Variants in ZMAT4 observed in about 807,000 individuals in gnomAD.
ZMAT4 encodes the protein zinc finger matrin-type 4, also known as zinc finger matrin-type protein 4.
ZMAT4 carries 17 observed loss-of-function variants against 28.7 expected under a neutral mutation model. The ratio of observed to expected loss-of-function variants is 0.59; its 90% CI spans 0.41 to 0.89. The LOEUF is 0.89. Among genes scored for constraint, ZMAT4 ranks in the 40% least tolerant of loss-of-function variants. The pLI, the probability that ZMAT4 is intolerant of heterozygous loss-of-function variation, is 0.00. For missense variants in ZMAT4, 240 were observed against 283.8 expected, an observed-to-expected ratio of 0.85 and a Z score of 1.11; for synonymous variants, 117 against 109.2, an observed-to-expected ratio of 1.07 and a Z score of -0.44.
intron 2 of ZMAT4, among the ~76,000 whole-genome samples, chr8:40,820,605 CAT>C (rs572716735): frequency 0.074 from 2,581 of 35,000 alleles, 45 homozygotes; most frequent in Non-Finnish European, 0.12. Flanking sequence ...TGTGGGAGTG[CAT>C]GTGTGTGTAT....
chr8:40,715,548 C>T (rs1032895024), intron 3 of ZMAT4, among the ~76,000 whole-genome samples: 1 of 152,086 alleles, frequency 6.6e-6, no homozygotes, highest in Non-Finnish European at 1.5e-5. Context: ...TCTAAACATT[C>T]CACAGTAGGT....
intron 1 of ZMAT4, among the ~76,000 whole-genome samples, chr8:40,897,240 G>A (rs1360118186): frequency 1.3e-5 from 2 of 152,152 alleles, no homozygotes; most frequent in Non-Finnish European, 2.9e-5. Flanking sequence ...GGTCACAATA[G>A]TTTGGGGAAG....
intron 2 of ZMAT4, among the ~76,000 whole-genome samples, chr8:40,796,922 A>G (rs1017478977): frequency 3.9e-5 from 6 of 152,168 alleles, no homozygotes; most frequent in African/African-American, 9.6e-5. Context: ...AAGGCCTTCC[A>G]GCCCCATAAC....
intron 5 of ZMAT4, among the ~76,000 whole-genome samples, chr8:40,666,745 G>A (rs1458920506): frequency 2.0e-5 from 3 of 152,038 alleles, no homozygotes; most frequent in African/African-American, 7.2e-5. Context: ...ACAAAATTTA[G>A]TTGACTTTCA....
chr8:40,585,042 A>G (rs1804621299), intron 5 of ZMAT4, among the ~76,000 whole-genome samples: 1 of 152,138 alleles, frequency 6.6e-6, no homozygotes, highest in Admixed American at 6.5e-5. Flanking sequence ...AGTTTCCTGG[A>G]GGCGTTCACA....
chr8:40,610,294 A>C (rs1393575454), intron 5 of ZMAT4, among the ~76,000 whole-genome samples: 2 of 152,220 alleles, frequency 1.3e-5, no homozygotes, highest in African/African-American at 4.8e-5. Flanking sequence ...GTATGCACAA[A>C]GAACACCTGG....
At chr8:40,819,243 G>A (rs775356982) in intron 2 of ZMAT4, among the ~76,000 whole-genome samples, 1 of 152,122 alleles carries the variant, frequency 6.6e-6, no homozygotes, top group Non-Finnish European at 1.5e-5. Flanking sequence ...TCTTTCACCA[G>A]TACTGATATT....
intron 5 of ZMAT4, among the ~76,000 whole-genome samples, chr8:40,632,852 C>T (rs1806646135): frequency 6.6e-6 from 1 of 152,162 alleles, no homozygotes; most frequent in Non-Finnish European, 1.5e-5. Context: ...CTGTGATTCT[C>T]CTTTCTGTAT....
intron 5 of ZMAT4, among the ~76,000 whole-genome samples, chr8:40,667,273 A>T (rs1808457172): frequency 6.6e-6 from 1 of 151,926 alleles, no homozygotes; most frequent in African/African-American, 2.4e-5. Context: ...CTCCTGACTC[A>T]GCCTCCCGAG....
intron 2 of ZMAT4, among the ~76,000 whole-genome samples, chr8:40,779,033 A>G (rs1813717427): frequency 6.6e-6 from 1 of 152,184 alleles, no homozygotes; most frequent in Non-Finnish European, 1.5e-5. Flanking sequence ...GTCACCACCC[A>G]AATTTCATCT....
At chr8:40,745,760 C>CA (rs1812190889) in intron 3 of ZMAT4, among the ~76,000 whole-genome samples, 1 of 152,124 alleles carries the variant, frequency 6.6e-6, no homozygotes. Flanking sequence ...CTAAGATCAT[C>CA]AAAATCACTG....
chr8:40,567,843 C>T (rs1803970254), intron 6 of ZMAT4, among the ~76,000 whole-genome samples: 1 of 152,028 alleles, frequency 6.6e-6, no homozygotes, highest in South Asian at 2.1e-4. Flanking sequence ...TTGAAAAAAT[C>T]CTTCCAACTC....
chr8:40,585,019 GAACA>G (rs1475037334), intron 5 of ZMAT4, among the ~76,000 whole-genome samples: 2 of 152,146 alleles, frequency 1.3e-5, no homozygotes, highest in Non-Finnish European at 2.9e-5. Context: ...TCTACAATCT[GAACA>G]AAGAGTAGAG....
At chr8:40,878,817 G>T (rs79006509) in intron 1 of ZMAT4, among the ~76,000 whole-genome samples, 3 of 152,164 alleles carry the variant, frequency 2.0e-5, no homozygotes, top group Non-Finnish European at 4.4e-5. Flanking sequence ...TGGGCCCATC[G>T]TCTCTGCTGA....
chr8:40,775,355 G>C (rs557078296), intron 2 of ZMAT4, among the ~76,000 whole-genome samples: 1 of 152,324 alleles, frequency 6.6e-6, no homozygotes, highest in South Asian at 2.1e-4. Flanking sequence ...AGGAGCAAGG[G>C]AGCCCACAGA....
At chr8:40,588,383 C>T (rs1279056733) in intron 5 of ZMAT4, among the ~76,000 whole-genome samples, 2 of 151,920 alleles carry the variant, frequency 1.3e-5, no homozygotes, top group Admixed American at 6.6e-5. Flanking sequence ...GTATCTGATA[C>T]AGAACTTGTA....
intron 2 of ZMAT4, chr8:40,808,375 A>G: frequency 3.3e-6 from 1 of 306,542 alleles, no homozygotes; most frequent in East Asian, 8.8e-5. Context: ...AATGCAGCTT[A>G]AGGGTGAATT....
chr8:40,734,632 C>T (rs1203107187), intron 3 of ZMAT4, among the ~76,000 whole-genome samples: 1 of 152,126 alleles, frequency 6.6e-6, no homozygotes, highest in Non-Finnish European at 1.5e-5. Flanking sequence ...AAACATTCCC[C>T]AGTCTGTTCT....
At chr8:40,795,521 G>A (rs748629788) in intron 2 of ZMAT4, among the ~76,000 whole-genome samples, 2 of 152,164 alleles carry the variant, frequency 1.3e-5, no homozygotes, top group African/African-American at 2.4e-5. Flanking sequence ...AGGCTGAGAG[G>A]AGAATTTAGT....
Sources: allele counts gnomAD v4.1 joint callset (sites outside exome capture counted in the v4.1 genomes callset), GRCh38; gene constraint gnomAD v4.1.1; transcripts MANE v1.5; gene names NCBI Gene and HGNC (gene_info 2026-07-23, HGNC 2026-07-21).